The following DRD3 variants were observed in gnomAD, a reference collection of about 807,000 sequenced individuals.
DRD3 encodes the protein D(3) dopamine receptor.
In DRD3, 19 loss-of-function variants were observed where a neutral mutation model predicts 36.3. The observed-to-expected ratio is 0.52, with a 90% CI of 0.36 to 0.77. DRD3 has a LOEUF of 0.77. Ranked by LOEUF, DRD3 falls within the 30% of genes least tolerant of loss-of-function variation. DRD3 has a pLI of 0.00. For synonymous variants in DRD3, 195 were observed against 203.7 expected (o/e 0.96, Z 0.36); for missense variants, 465 against 505.3 (o/e 0.92, Z 0.77).
chr3:114,184,952 A>G (rs1328388611), intron 1 of DRD3, among the ~76,000 whole-genome samples: 1 of 152,210 alleles, frequency 6.6e-6, no homozygotes, highest in Admixed American at 6.5e-5. Context: ...ACGTTGTCCC[A>G]CTACCTGATG....
At position 114,131,259 on chromosome 3, in the gene DRD3, T is replaced by C; in HGVS notation, c.865A>G (p.Thr289Ala). ...TCTAAGCTGAGCTTGGGCGCTATGGTGGGACTCAGGGAATTCCGAGTCTTC... is the reference window on the plus strand; with the variant it reads ...TCTAAGCTGAGCTTGGGCGCTATGGCGGGACTCAGGGAATTCCGAGTCTTC... ...EEKTRNSLSP[T>A]IAPKLSLEVR... Residue 289 changes from threonine (T) to alanine (A), a missense_variant, in exon 6 of 7, where the codon ACC becomes GCC. Coordinates refer to ENST00000383673, the MANE Select transcript of DRD3 (RefSeq NM_000796.6). 6.2e-7 allele frequency: 1 copy of C among 1,614,208 alleles called. No homozygotes were observed.
At chr3:114,139,023 A>G (rs941655276) in intron 5 of DRD3, among the ~76,000 whole-genome samples, 68 of 152,354 alleles carry the variant, frequency 4.5e-4, no homozygotes, top group African/African-American at 1.5e-3. Context: ...AAAATGCTTT[A>G]TCAGCACCCT....
chr3:114,196,406 C>T (rs2078035889), intron 1 of DRD3, among the ~76,000 whole-genome samples: 1 of 152,150 alleles, frequency 6.6e-6, no homozygotes, highest in Non-Finnish European at 1.5e-5. Context: ...CCTGCAGTTC[C>T]TGGGCTCAAA....
In DRD3 at chr3:114,131,356, G is replaced by A; in HGVS notation, c.768C>T (p.Tyr256=). 1 of 1,614,220 alleles carries A rather than the reference G, an allele frequency of 6.2e-7. No homozygotes were observed. The highest frequency in any genetic ancestry group is 8.5e-7 in the Non-Finnish European group (1 of 1,180,028). The change falls in exon 6 of 7, where the codon TAC becomes TAT. Residue 256 remains tyrosine, a synonymous_variant. Transcript: ENST00000383673. The part of the protein sequence containing the change: ...DPAHLELKRY[Y]SICQDTALGG... ...CCAAGGCAGTGTCCTGGCAGATGCT[G>A]TAGTAACGCTTCAGCTCCAGATGTG...
In DRD3 at chr3:114,128,645, CAGTCTTTCTG is replaced by C. The variant is rs2077398006; in HGVS notation, c.*61_*70del. ...CTACTGCATGCCGGAGGACACTGCA[CAGTCTTTCTG>C]AGTGGGCCAACAGCCTGGCAGCTAG... On this transcript the variant is annotated 3_prime_UTR_variant, in exon 7 of 7. Transcript: ENST00000383673. The C allele has an allele frequency of 3.0e-5, 44 of 1,453,364 alleles. No homozygotes were observed. In the South Asian group the frequency reaches 6.4e-4, roughly 21 times the overall value. 90.0% of individuals were successfully genotyped at this position (1,453,364 alleles called of 1,614,324 possible). A position where few individuals can be genotyped will look rare whatever the true frequency, so the allele number is the denominator to read the frequency against.
chr3:114,131,072 C>T, intron 6 of DRD3, 46 bp downstream of exon 6: 1 of 1,582,126 alleles, frequency 6.3e-7, no homozygotes, highest in Non-Finnish European at 8.6e-7. Flanking sequence ...CTTAACTTAA[C>T]ACAACCTAAC....
chr3:114,193,365 C>G (rs1174942328), intron 1 of DRD3, among the ~76,000 whole-genome samples: 1 of 152,224 alleles, frequency 6.6e-6, no homozygotes, highest in African/African-American at 2.4e-5. Context: ...AGATTTCTCA[C>G]AGTTGCCAGC....
intron 6 of DRD3, among the ~76,000 whole-genome samples, chr3:114,130,835 A>G (rs1375436670): frequency 1.3e-5 from 2 of 152,164 alleles, no homozygotes; most frequent in African/African-American, 4.8e-5. Context: ...TATGTACCAG[A>G]CAGTTTTATT....
chr3:114,194,145 A>G (rs1305719183), intron 1 of DRD3, among the ~76,000 whole-genome samples: 1 of 152,192 alleles, frequency 6.6e-6, no homozygotes, highest in African/African-American at 2.4e-5. Context: ...AACACAGCCA[A>G]TGTGATTTTT....
intron 2 of DRD3, among the ~76,000 whole-genome samples, chr3:114,166,182 T>C (rs934427578): frequency 6.6e-6 from 1 of 151,964 alleles, no homozygotes; most frequent in Admixed American, 6.6e-5. Context: ...GACGGGGTTT[T>C]ACCGTGTTGG....
At chr3:114,161,302 T>A (rs2077730954) in intron 2 of DRD3, among the ~76,000 whole-genome samples, 1 of 152,206 alleles carries the variant, frequency 6.6e-6, no homozygotes, top group Non-Finnish European at 1.5e-5. Flanking sequence ...AAACAGATAC[T>A]GACCAAATGA....
At chr3:114,183,762 T>G (rs937071402), upstream of DRD3, among the ~76,000 whole-genome samples, 7 of 152,144 alleles carry the variant, frequency 4.6e-5, no homozygotes, top group African/African-American at 1.4e-4. Flanking sequence ...TTGGTTACTA[T>G]TTGCATGAAT....
At chr3:114,161,336 C>T (rs117737000) in intron 2 of DRD3, among the ~76,000 whole-genome samples, 1 of 152,304 alleles carries the variant, frequency 6.6e-6, no homozygotes, top group East Asian at 1.9e-4. Context: ...TAGTGCTATT[C>T]CTTCATCTGG....
In DRD3 at chr3:114,157,292, G is replaced by A. The variant is rs145459018; in HGVS notation, c.383+2463C>T. Among the ~76,000 whole-genome samples the A allele has an allele frequency of 3.6e-4, 54 of 152,098 alleles. No homozygotes were observed. In the East Asian group the frequency reaches 7.9e-3, roughly 22 times the overall value. On this transcript the variant is annotated intron_variant, in intron 3 of 6. Transcript: ENST00000383673. ...TGGTCTCGAACTCCTGACCTCAAAC[G>A]ATCCTCTTGCCTCGGCCTCCCAAAT... is the stretch of plus-strand genomic sequence containing the variant.
chr3:114,127,793 G>A lies in DRD3; in HGVS notation c.*923C>T, dbSNP rs536110844. ...TCCATTATTATCTTATGAGACCACC[G>A]TTGTATATGTGGTCCACTGTTGCCC... is the stretch of plus-strand genomic sequence containing the variant. On this transcript the variant is annotated 3_prime_UTR_variant, in exon 7 of 7. Transcript: ENST00000383673. Among the ~76,000 whole-genome samples the A allele has an allele frequency of 5.3e-5, 8 of 152,156 alleles. No individual in the cohort carries two copies. In the South Asian group the frequency reaches 6.2e-4, roughly 12 times the overall value.
chr3:114,177,619 T>C (rs1199318790), intron 1 of DRD3, among the ~76,000 whole-genome samples: 1 of 152,218 alleles, frequency 6.6e-6, no homozygotes, highest in East Asian at 1.9e-4. Flanking sequence ...TGCTTTAATG[T>C]ATATTCCATA....
intron 2 of DRD3, among the ~76,000 whole-genome samples, chr3:114,163,547 T>A (rs1470359181): frequency 6.6e-6 from 1 of 152,208 alleles, no homozygotes; most frequent in Non-Finnish European, 1.5e-5. Context: ...TTACCATTAC[T>A]CTTCCTGCCT....
chr3:114,166,282 G>A (rs1339744314), intron 2 of DRD3, among the ~76,000 whole-genome samples: 2 of 152,026 alleles, frequency 1.3e-5, no homozygotes, highest in South Asian at 2.1e-4. Flanking sequence ...CACCGTACCC[G>A]GCCAACAGTT....
chr3:114,171,228 G>A (rs1287215759), intron 2 of DRD3, among the ~76,000 whole-genome samples: 1 of 152,152 alleles, frequency 6.6e-6, no homozygotes, highest in Non-Finnish European at 1.5e-5. Context: ...CTGAGCCATC[G>A]AAAGAAGTCT....
Sources: gnomAD v4.1 joint callset for allele counts (sites outside exome capture counted in the v4.1 genomes callset) on GRCh38, gnomAD v4.1.1 for gene constraint, MANE v1.5 for transcripts, NCBI Gene and HGNC (gene_info 2026-07-23, HGNC 2026-07-21) for gene names.